The following GPC5 variants were observed in gnomAD, a reference collection of about 807,000 sequenced individuals.
GPC5 encodes the protein glypican-5.
In GPC5, 47 loss-of-function variants were observed where a neutral mutation model predicts 53.9. The observed-to-expected ratio is 0.87, with a 90% CI of 0.69 to 1.11. The LOEUF is 1.11. Among genes scored for constraint, GPC5 ranks in the 50% most tolerant of loss-of-function variants. The pLI is 0.00. For synonymous variants in GPC5, 286 were observed against 263.3 expected (o/e 1.09, Z -0.84); for missense variants, 748 against 713.1 (o/e 1.05, Z -0.56).
intron 7 of GPC5, among the ~76,000 whole-genome samples, chr13:92,319,615 G>A (rs926761473): frequency 2.0e-5 from 3 of 152,008 alleles, no homozygotes; most frequent in African/African-American, 7.2e-5. Context: ...CCTTCTCAGG[G>A]TAGCATTTTA....
At chr13:92,131,355 T>A (rs2041741726) in intron 6 of GPC5, among the ~76,000 whole-genome samples, 1 of 152,014 alleles carries the variant, frequency 6.6e-6, no homozygotes, top group African/African-American at 2.4e-5. Context: ...GATCATTGAG[T>A]ACTTCAGTCT....
chr13:91,705,700 C>G (rs572817798), intron 3 of GPC5, among the ~76,000 whole-genome samples: 2 of 149,460 alleles, frequency 1.3e-5, no homozygotes, highest in Non-Finnish European at 1.5e-5. Context: ...AACACCCCCC[C>G]CCCCATATTT....
chr13:92,442,828 C>A (rs1877628979), intron 7 of GPC5, among the ~76,000 whole-genome samples: 1 of 152,114 alleles, frequency 6.6e-6, no homozygotes, highest in African/African-American at 2.4e-5. Context: ...GTAGAAGGAA[C>A]AATATGACCA....
chr13:92,796,724 T>G (rs1876698716), intron 7 of GPC5, among the ~76,000 whole-genome samples: 1 of 151,918 alleles, frequency 6.6e-6, no homozygotes, highest in African/African-American at 2.4e-5. Context: ...ATGATTGCCC[T>G]AACAATAGCT....
chr13:91,441,463 A>C (rs9989098), intron 1 of GPC5, among the ~76,000 whole-genome samples: 6,785 of 152,228 alleles, frequency 0.045, 190 homozygotes, highest in South Asian at 0.13. Context: ...GACTGGAGAA[A>C]CTATGGTGGA....
At chr13:92,017,166 A>G (rs1229440031) in intron 6 of GPC5, among the ~76,000 whole-genome samples, 1 of 152,164 alleles carries the variant, frequency 6.6e-6, no homozygotes, top group Non-Finnish European at 1.5e-5. Flanking sequence ...TTTTCCACCT[A>G]GCATCCTCGG....
chr13:91,598,045 A>G (rs7982054), intron 2 of GPC5, among the ~76,000 whole-genome samples: 34,473 of 151,624 alleles, frequency 0.23, 4,118 homozygotes, highest in Admixed American at 0.33. Context: ...AATTTCAGTA[A>G]CCCTCGAGTC....
At chr13:91,460,654 TGTAA>T (rs1881873445) in intron 2 of GPC5, among the ~76,000 whole-genome samples, 1 of 152,122 alleles carries the variant, frequency 6.6e-6, no homozygotes, top group African/African-American at 2.4e-5. Flanking sequence ...TTGCAGTTTG[TGTAA>T]GTGACATTAC....
rs182641775 is a variant in GPC5 at position 92,199,310 on chromosome 13, T to C, written c.1561+54321T>C. On this transcript the variant is annotated intron_variant, in intron 7 of 7. Coordinates refer to ENST00000377067, the MANE Select transcript of GPC5 (RefSeq NM_004466.6). Reference sequence around the variant, plus strand: ...AACTTCTAGCCTGACCCACTCAATATAAAAAGATATGTAAAATATCTGCGG... The same window carrying C: ...AACTTCTAGCCTGACCCACTCAATACAAAAAGATATGTAAAATATCTGCGG... 4.1e-4 allele frequency among the ~76,000 whole-genome samples: 63 copies of C among 152,312 alleles called. No individual in the cohort carries two copies. The East Asian group carries it at 8.5e-3, about 21-fold the overall frequency.
intron 6 of GPC5, among the ~76,000 whole-genome samples, chr13:91,998,398 A>C (rs1014702384): frequency 6.6e-6 from 1 of 152,178 alleles, no homozygotes; most frequent in Non-Finnish European, 1.5e-5. Flanking sequence ...ACACATACAC[A>C]CACCCTGTTA....
chr13:91,565,809 G>A (rs2031500015), intron 2 of GPC5, among the ~76,000 whole-genome samples: 1 of 152,130 alleles, frequency 6.6e-6, no homozygotes, highest in African/African-American at 2.4e-5. Flanking sequence ...CATGATTCTG[G>A]AGGCAGAAGT....
At chr13:92,064,329 C>T (rs956172726) in intron 6 of GPC5, among the ~76,000 whole-genome samples, 2 of 152,148 alleles carry the variant, frequency 1.3e-5, no homozygotes, top group East Asian at 1.9e-4. Context: ...TTAAAAATTA[C>T]CAATATCTGG....
At chr13:92,117,135 TTCTA>T (rs1566442341) in intron 6 of GPC5, among the ~76,000 whole-genome samples, 2 of 152,196 alleles carry the variant, frequency 1.3e-5, no homozygotes, top group African/African-American at 4.8e-5. Context: ...CTGTGTTTCT[TTCTA>T]AAAGTTTATA....
intron 6 of GPC5, among the ~76,000 whole-genome samples, chr13:92,015,347 T>C (rs570560342): frequency 7.2e-5 from 11 of 152,320 alleles, no homozygotes; most frequent in Admixed American, 6.5e-4. Flanking sequence ...ACCCTTTTTC[T>C]ATAAAATCCC....
intron 6 of GPC5, among the ~76,000 whole-genome samples, chr13:92,081,050 A>C (rs748059167): frequency 5.9e-5 from 9 of 152,128 alleles, no homozygotes; most frequent in Non-Finnish European, 1.0e-4. Flanking sequence ...AACCCTCTAT[A>C]TGCCTCTCTA....
chr13:92,186,531 G>T (rs2042185011), intron 7 of GPC5, among the ~76,000 whole-genome samples: 3 of 152,080 alleles, frequency 2.0e-5, no homozygotes, highest in African/African-American at 7.2e-5. Flanking sequence ...TTGGCATGGG[G>T]AATTAAACAC....
intron 7 of GPC5, among the ~76,000 whole-genome samples, chr13:92,275,558 C>A (rs2042869472): frequency 6.6e-6 from 1 of 151,894 alleles, no homozygotes; most frequent in Non-Finnish European, 1.5e-5. Context: ...TAAAATAAAA[C>A]ACAATTACAT....
chr13:91,882,977 A>G (rs537784332), intron 5 of GPC5, among the ~76,000 whole-genome samples: 24 of 152,230 alleles, frequency 1.6e-4, no homozygotes, highest in Admixed American at 2.6e-4. Flanking sequence ...AAATTTAATA[A>G]GGTAAAACAG....
chr13:92,519,824 A>C (rs1321230886), intron 7 of GPC5, among the ~76,000 whole-genome samples: 3 of 152,234 alleles, frequency 2.0e-5, no homozygotes, highest in Non-Finnish European at 4.4e-5. Context: ...CCTTCAAAAA[A>C]TCAATGAATC....
Sources: allele counts gnomAD v4.1 joint callset (sites outside exome capture counted in the v4.1 genomes callset), GRCh38; gene constraint gnomAD v4.1.1; transcripts MANE v1.5; gene names NCBI Gene and HGNC (gene_info 2026-07-23, HGNC 2026-07-21).